The following AP1G1 variants were observed in gnomAD, a reference collection of about 807,000 sequenced individuals.
The protein encoded by AP1G1 is AP-1 complex subunit gamma-1.
A neutral mutation model predicts 108.3 loss-of-function variants in AP1G1; 7 were observed. The ratio of observed to expected loss-of-function variants is 0.06; its 90% CI spans 0.04 to 0.12. AP1G1 has a LOEUF of 0.12. Ranked by LOEUF, AP1G1 falls within the 10% of genes least tolerant of loss-of-function variation. The pLI, the probability that AP1G1 is intolerant of heterozygous loss-of-function variation, is 1.00. For synonymous variants in AP1G1, 379 were observed against 353.5 expected (o/e 1.07, Z -0.81); for missense variants, 756 against 1,010.7 (o/e 0.75, Z 3.42).
At chr16:71,752,790 T>G (rs1276917475) in intron 13 of AP1G1, among the ~76,000 whole-genome samples, 1 of 152,100 alleles carries the variant, frequency 6.6e-6, no homozygotes, top group African/African-American at 2.4e-5. Context: ...TTTCTAACAC[T>G]GGGAATTAGA....
chr16:71,778,493 C>T (rs147279487), intron 2 of AP1G1, among the ~76,000 whole-genome samples: 2,661 of 151,998 alleles, frequency 0.018, 38 homozygotes, highest in Non-Finnish European at 0.03. Flanking sequence ...GACCAGCCTG[C>T]GCAACACGGT....
At chr16:71,795,698 G>A (rs1289768877) in intron 1 of AP1G1, among the ~76,000 whole-genome samples, 2 of 152,184 alleles carry the variant, frequency 1.3e-5, no homozygotes, top group Non-Finnish European at 2.9e-5. Flanking sequence ...TCAACTGATT[G>A]TATTATGCTT....
chr16:71,801,243 T>G (rs1015197143), intron 1 of AP1G1, among the ~76,000 whole-genome samples: 1 of 151,478 alleles, frequency 6.6e-6, no homozygotes, highest in Admixed American at 6.6e-5. Flanking sequence ...GAGGCGGAGA[T>G]TCCCACCACC....
chr16:71,746,200 C>G (rs1295463989), intron 17 of AP1G1, among the ~76,000 whole-genome samples: 1 of 152,088 alleles, frequency 6.6e-6, no homozygotes, highest in Non-Finnish European at 1.5e-5. Flanking sequence ...TTAGTAGAGA[C>G]GGGGTTTCAC....
chr16:71,763,377 G>C (rs928389474), intron 9 of AP1G1, among the ~76,000 whole-genome samples: 2 of 152,172 alleles, frequency 1.3e-5, no homozygotes, highest in Admixed American at 6.5e-5. Flanking sequence ...AGCATGGAGA[G>C]TTATTGTTTA....
chr16:71,808,718 G>T (rs1011902984), intron 1 of AP1G1, 45 bp downstream of exon 1: 1 of 1,285,950 alleles, frequency 7.8e-7, no homozygotes, highest in Admixed American at 2.3e-5. Context: ...GGCAGCGGCG[G>T]GGCAAAAGCA....
chr16:71,769,256 C>T (rs923909658), intron 6 of AP1G1, among the ~76,000 whole-genome samples: 1 of 151,578 alleles, frequency 6.6e-6, no homozygotes, highest in African/African-American at 2.4e-5. Context: ...GCACTCCAGC[C>T]TGGGCAAAAA....
At position 71,748,301 on chromosome 16, in the gene AP1G1, A is replaced by G. The variant is rs2030290955; in HGVS notation, c.1575T>C (p.Tyr525=). The part of the protein sequence containing the change: ...SNMSTSVTRG[Y]ALTAIMKLST... Reference sequence around the variant, plus strand: ...AAAGCTTCATAATGGCAGTGAGGGCATAACCTCGTGTCACAGAGGTGGACA... The same window carrying G: ...AAAGCTTCATAATGGCAGTGAGGGCGTAACCTCGTGTCACAGAGGTGGACA... Residue 525 remains tyrosine, a synonymous_variant, in exon 16 of 23, where the codon TAT becomes TAC. Coordinates refer to ENST00000299980, the MANE Select transcript of AP1G1 (RefSeq NM_001128.6). The G allele has an allele frequency of 1.9e-6, 3 of 1,614,060 alleles. No individual in the cohort carries two copies. Among genetic ancestry groups the G allele is most frequent in the African/African-American group, 2.7e-5 (2 of 75,060 alleles).
At chr16:71,794,067 A>G (rs1016102530) in intron 1 of AP1G1, among the ~76,000 whole-genome samples, 2 of 152,224 alleles carry the variant, frequency 1.3e-5, no homozygotes, top group African/African-American at 2.4e-5. Context: ...AGTGGTTAAA[A>G]TAAGATTAAC....
At chr16:71,740,078 G>A (rs919583500) in intron 19 of AP1G1, among the ~76,000 whole-genome samples, 4 of 152,180 alleles carry the variant, frequency 2.6e-5, no homozygotes, top group Admixed American at 6.5e-5. Context: ...AAGATGGAAC[G>A]ATGGGAAATT....
intron 1 of AP1G1, among the ~76,000 whole-genome samples, chr16:71,792,354 C>G (rs1039541811): frequency 6.6e-6 from 1 of 152,120 alleles, no homozygotes; most frequent in Non-Finnish European, 1.5e-5. Context: ...TAATGCTTAA[C>G]ATATGTGGAG....
At chr16:71,746,015 C>T (rs2030156123) in intron 17 of AP1G1, among the ~76,000 whole-genome samples, 1 of 151,990 alleles carries the variant, frequency 6.6e-6, no homozygotes, top group Non-Finnish European at 1.5e-5. Flanking sequence ...ACAACTCCCA[C>T]TTCTTTTTTT....
intron 2 of AP1G1, among the ~76,000 whole-genome samples, chr16:71,788,223 T>C (rs1398050881): frequency 4.6e-5 from 7 of 152,210 alleles, no homozygotes; most frequent in African/African-American, 1.7e-4. Context: ...CTATCTTTCC[T>C]GATAGTGTTG....
chr16:71,757,739 T>C (rs972474556), intron 11 of AP1G1, among the ~76,000 whole-genome samples: 13 of 152,216 alleles, frequency 8.5e-5, no homozygotes, highest in Non-Finnish European at 1.9e-4. Context: ...CTTACTGTTA[T>C]ATATCCTTTC....
rs767977641 is a variant in AP1G1, at chr16:71,780,820, C to CTT, written c.202-6230_202-6229dup. On this transcript the variant is annotated intron_variant, in intron 2 of 22. Transcript: ENST00000299980. ...GCCACCACATGAGGCTAATTTTTTACTTTTTTTTTTTTTTTTGAGCTGGAG... is the reference window on the plus strand; with the variant it reads ...GCCACCACATGAGGCTAATTTTTTACTTTTTTTTTTTTTTTTTTGAGCTGGAG... 3.6e-5 allele frequency among the ~76,000 whole-genome samples: 5 copies of CTT among 139,694 alleles called. 1 individual carries two copies. The highest frequency in any genetic ancestry group is 5.2e-5 in the African/African-American group (2 of 38,300). The allele number at this position is 139,694 out of a possible 152,430, so 91.6% of individuals were successfully genotyped here.
intron 1 of AP1G1, chr16:71,806,713 C>T: frequency 7.8e-7 from 1 of 1,288,302 alleles, no homozygotes; most frequent in Non-Finnish European, 1.0e-6. Context: ...CATAGGTGTT[C>T]AGTGTTTGAC....
Position 71,764,362 on chromosome 16 carries a change from C to T in AP1G1, c.906G>A (p.Glu302=), listed in dbSNP as rs1033082386. ...CAAAAAGACTTACTCGCAATCCACT[C>T]TCTGACTTAATATCCATGATAGTCA... ...TVLTIMDIKS[E]SGLRVLAINI... is the part of the protein sequence containing the mutation. Residue 302 remains glutamate, a synonymous_variant, in exon 9 of 23, where the codon GAG becomes GAA. Transcript: ENST00000299980. 6.3e-7 allele frequency: 1 copy of T among 1,596,296 alleles called. No individual in the cohort carries two copies. Among genetic ancestry groups the T allele is most frequent in the Non-Finnish European group, 8.6e-7 (1 of 1,169,404 alleles).
rs1220322175 is a variant in AP1G1, at chr16:71,745,286, A to C, written c.1873-16T>G. 1.2e-6 allele frequency: 2 copies of C among 1,613,876 alleles called. No homozygotes were observed. Among genetic ancestry groups the C allele is most frequent in the Non-Finnish European group, 1.7e-6 (2 of 1,179,972 alleles). ...AATCATTGGCCTAAACAAGGTAACA[A>C]CACCTCAATTCATTATTATTTGATT... On this transcript the variant is annotated splice_polypyrimidine_tract_variant and intron_variant, in intron 18 of 22. Coordinates refer to ENST00000299980, the MANE Select transcript of AP1G1 (RefSeq NM_001128.6).
intron 19 of AP1G1, chr16:71,743,383 G>C (rs923563671): frequency 6.6e-6 from 1 of 152,048 alleles, no homozygotes; most frequent in African/African-American, 2.4e-5. Flanking sequence ...TCAAGGTCAT[G>C]TGTGCTTTAA....
Sources: allele counts gnomAD v4.1 joint callset (sites outside exome capture counted in the v4.1 genomes callset), GRCh38; gene constraint gnomAD v4.1.1; transcripts MANE v1.5; gene names NCBI Gene and HGNC (gene_info 2026-07-23, HGNC 2026-07-21).